The following ACTN3 variants were observed in gnomAD, a reference collection of about 807,000 sequenced individuals.
ACTN3 encodes the protein actinin alpha 3.
A neutral mutation model predicts 119.6 loss-of-function variants in ACTN3; 91 were observed. The observed-to-expected ratio is 0.76, with a 90% CI of 0.64 to 0.91. The LOEUF is 0.91. ACTN3 is among the 40% of genes least tolerant of loss of function. The pLI is 0.00. For synonymous variants in ACTN3, 456 were observed against 478.8 expected (o/e 0.95, Z 0.62); for missense variants, 1,221 against 1,215.1 (o/e 1.00, Z -0.07).
At chr11:66,555,828 C>T in intron 7 of ACTN3, among the ~76,000 whole-genome samples, 1 of 152,214 alleles carries the variant, frequency 6.6e-6, no homozygotes. Context: ...GAAAGACACA[C>T]AGACCGAGGG....
rs757113506 is a variant in ACTN3, at chr11:66,561,593, G to A, written c.2131G>A (p.Glu711Lys). The A allele has an allele frequency of 1.2e-6, 2 of 1,613,038 alleles. No individual in the cohort carries two copies. The highest frequency in any genetic ancestry group is 2.7e-5 in the African/African-American group (2 of 74,918). ...RLEGDHQLLQESLVFDNKHTV... is the reference protein window; with the variant it reads ...RLEGDHQLLQKSLVFDNKHTV... ...GGAGGGTGACCACCAGCTGCTGCAG[G>A]AGAGCCTGGTGTTCGACAATAAGCA... The change falls in exon 17 of 21, where the codon GAG becomes AAG. Residue 711 changes from glutamate (E) to lysine (K), a missense_variant. Glu to Lys is a moderately conservative substitution (Grantham distance 56, BLOSUM62 1). Around this residue, in one of 3 missense-constraint regions of ACTN3, gnomAD observed 934 missense variants for 899.9 expected, o/e 1.04. Transcript: ENST00000513398.
In ACTN3 at chr11:66,557,693, T is replaced by C. The variant is rs569030135; in HGVS notation, c.898-6T>C. On this transcript the variant is annotated splice_region_variant and splice_polypyrimidine_tract_variant and intron_variant, in intron 9 of 20. Transcript: ENST00000513398. Reference sequence around the variant, plus strand: ...TGTCTGCCTTGCCCCTGCCTGGCCCTGTCAGCTGCTGGAGTGGATCCGCCG... The same window carrying C: ...TGTCTGCCTTGCCCCTGCCTGGCCCCGTCAGCTGCTGGAGTGGATCCGCCG... The C allele has an allele frequency of 1.2e-5, 19 of 1,606,130 alleles. No homozygotes were observed. The African/African-American group carries it at 1.9e-4, about 16-fold the overall frequency.
chr11:66,556,127 C>T lies in ACTN3; in HGVS notation c.719-18C>T, dbSNP rs183121899. 7.2e-5 allele frequency: 115 copies of T among 1,605,950 alleles called. 1 individual carries two copies. The African/African-American group carries it at 1.0e-3, about 14-fold the overall frequency. The stretch of plus-strand genomic sequence containing the variant: ...ACCCCTGGCTTTGGCCAGTAGACAC[C>T]GTGCTGTCCTCCCCTAGACATTGTG... On this transcript the variant is annotated intron_variant, in intron 7 of 20. Transcript: ENST00000513398.
Position 66,546,927 on chromosome 11 carries a change from G to T in ACTN3, c.-11G>T, listed in dbSNP as rs376683828. The T allele has an allele frequency of 7.8e-6, 12 of 1,536,840 alleles. No homozygotes were observed. In the African/African-American group the frequency reaches 9.7e-5, roughly 12 times the overall value. On this transcript the variant is annotated 5_prime_UTR_variant, in exon 1 of 21. Coordinates refer to ENST00000513398, the MANE Select transcript of ACTN3 (RefSeq NM_001104.4). ...CGTGCCGAGCGGAGCGAAGCCAGGA[G>T]CCCGATCGAGATGATGATGGTTATG...
chr11:66,554,600 C>G lies in ACTN3; in HGVS notation c.534C>G (p.Val178=). The G allele has an allele frequency of 6.2e-7, 1 of 1,612,428 alleles. No individual in the cohort carries two copies. The highest frequency in any genetic ancestry group is 8.5e-7 in the Non-Finnish European group (1 of 1,179,202). The change falls in exon 5 of 21, where the codon GTC becomes GTG. Residue 178 remains valine (V), a synonymous_variant. Transcript: ENST00000513398. The part of the protein sequence containing the change: ...CQRKTAPYRN[V]NVQNFHTSWK... ...GGAAGACAGCACCGTACCGCAACGT[C>G]AACGTGCAGAACTTCCACACCAGGT... is the stretch of plus-strand genomic sequence containing the variant.
chr11:66,555,061 TC>T, intron 5 of ACTN3, 68 bp from the exon 6 acceptor site: 2 of 1,423,082 alleles, frequency 1.4e-6, no homozygotes, highest in Non-Finnish European at 2.0e-6. Flanking sequence ...TGGGGGGTGC[TC>T]CTGGGCCGAG....
intron 16 of ACTN3, 35 bp downstream of exon 16, chr11:66,561,396 A>T: frequency 6.2e-7 from 1 of 1,606,026 alleles, no homozygotes; most frequent in Non-Finnish European, 8.5e-7. Flanking sequence ...ACCTGGGGGG[A>T]TGGGGCCAGG....
intron 5 of ACTN3, 97 bp downstream of exon 5, chr11:66,554,720 CT>C (rs1304491988): frequency 1.0e-4 from 104 of 1,000,874 alleles, no homozygotes; most frequent in Non-Finnish European, 6.1e-5. Flanking sequence ...GAGCTGGTCT[CT>C]GTCACAAGCC....
rs772091427 is a variant in ACTN3, at chr11:66,560,586, C to T, written c.1691C>T (p.Ala564Val). ...SVEETQSLLTAHDQFKATLPE... is the reference protein window; with the variant it reads ...SVEETQSLLTVHDQFKATLPE... The stretch of plus-strand genomic sequence containing the variant: ...TGTCGTCCCCAGAGCCTGCTGACAG[C>T]GCACGATCAGTTCAAGGCAACACTG... The change falls in exon 15 of 21, where the codon GCG becomes GTG. Residue 564 changes from alanine (A) to valine (V), a missense_variant. Around this residue, in one of 3 missense-constraint regions of ACTN3, gnomAD observed 934 missense variants for 899.9 expected, o/e 1.04. Coordinates refer to ENST00000513398, the MANE Select transcript of ACTN3 (RefSeq NM_001104.4). The T allele has an allele frequency of 2.4e-5, 39 of 1,611,252 alleles. No individual in the cohort carries two copies. The highest frequency in any genetic ancestry group is 1.7e-4 in the South Asian group (15 of 90,864).
At chr11:66,556,823 C>A (rs999535787) in intron 8 of ACTN3, among the ~76,000 whole-genome samples, 1 of 151,722 alleles carries the variant, frequency 6.6e-6, no homozygotes, top group Admixed American at 6.6e-5. Flanking sequence ...TGCAGTGGGG[C>A]GGTCTCGGCT....
chr11:66,552,081 G>GAA (rs545305342), intron 3 of ACTN3, among the ~76,000 whole-genome samples: 1 of 130,888 alleles, frequency 7.6e-6, no homozygotes, highest in Non-Finnish European at 1.6e-5. Flanking sequence ...CTGTCTGAAA[G>GAA]AAAAAAAAAA....
intron 5 of ACTN3, 66 bp downstream of exon 5, chr11:66,554,689 C>G (rs114978179): frequency 7.3e-7 from 1 of 1,368,218 alleles, no homozygotes; most frequent in African/African-American, 1.4e-5. Flanking sequence ...GAGGAGCCCT[C>G]CCTGGTCAGT....
In ACTN3 at chr11:66,561,222, C is replaced by A. The variant is rs773056304; in HGVS notation, c.1861-5C>A. The A allele has an allele frequency of 3.2e-6, 5 of 1,550,016 alleles. No individual in the cohort carries two copies. Among genetic ancestry groups the A allele is most frequent in the Non-Finnish European group, 4.3e-6 (5 of 1,149,672 alleles). On this transcript the variant is annotated splice_polypyrimidine_tract_variant and splice_region_variant and intron_variant, in intron 15 of 20. Coordinates refer to ENST00000513398, the MANE Select transcript of ACTN3 (RefSeq NM_001104.4). ...CTGGCTCTGGCATAACTGCCCTCCTCCCAGGTCCGAAAGCTGGTGCCCAGC... is the reference window on the plus strand; with the variant it reads ...CTGGCTCTGGCATAACTGCCCTCCTACCAGGTCCGAAAGCTGGTGCCCAGC...
chr11:66,555,474 AC>A, intron 7 of ACTN3, 107 bp downstream of exon 7: 5 of 1,075,932 alleles, frequency 4.6e-6, no homozygotes, highest in East Asian at 2.4e-5. Context: ...TGCTCCGACC[AC>A]CCCCACCCCA....
At chr11:66,557,069 G>A in intron 8 of ACTN3, 64 bp from the exon 9 acceptor site, 7 of 1,475,502 alleles carry the variant, frequency 4.7e-6, no homozygotes, top group Non-Finnish European at 6.4e-6. Context: ...CGGGGCTCTG[G>A]GTTTTAAGGG....
At position 66,562,058 on chromosome 11, in the gene ACTN3, A is replaced by G. The variant is rs1451688813; in HGVS notation, c.2212A>G (p.Ile738Val). The change falls in exon 18 of 21, where the codon ATT becomes GTT. Residue 738 changes from isoleucine (I) to valine (V), a missense_variant. By Grantham distance (29) the Ile-to-Val change is conservative (BLOSUM62 3). Around this residue, in one of 3 missense-constraint regions of ACTN3, gnomAD observed 934 missense variants for 899.9 expected, o/e 1.04. Transcript: ENST00000513398. ...GGGCTGGGAGCAGCTGCTCACCTCC[A>G]TTGCCCGCACCATCAATGAAGTGGA... ...RVGWEQLLTS[I>V]ARTINEVENQ... is the part of the protein sequence containing the mutation. The G allele has an allele frequency of 3.1e-6, 5 of 1,613,218 alleles. No individual in the cohort carries two copies. The highest frequency in any genetic ancestry group is 4.2e-6 in the Non-Finnish European group (5 of 1,179,730).
At chr11:66,560,341 G>C in intron 14 of ACTN3, 30 bp downstream of exon 14, 1 of 1,596,614 alleles carries the variant, frequency 6.3e-7, no homozygotes, top group East Asian at 2.2e-5. Flanking sequence ...GGGATGGATA[G>C]GATGACAGGA....
chr11:66,552,303 G>A (rs1418702785), intron 3 of ACTN3, among the ~76,000 whole-genome samples: 12 of 151,966 alleles, frequency 7.9e-5, no homozygotes, highest in South Asian at 4.1e-4. Flanking sequence ...CCGGGAGGCC[G>A]AGGTTGCAGT....
At chr11:66,549,732 CAAAAAA>C (rs61393902) in intron 1 of ACTN3, among the ~76,000 whole-genome samples, 6 of 43,018 alleles carry the variant, frequency 1.4e-4, no homozygotes, top group Admixed American at 6.6e-4. Context: ...ACTCTGTCTC[CAAAAAA>C]AAAAAAAAAA....
Sources: allele counts gnomAD v4.1 joint callset (sites outside exome capture counted in the v4.1 genomes callset), GRCh38; gene constraint gnomAD v4.1.1; regional missense constraint gnomAD v4.1.1; transcripts MANE v1.5; gene names NCBI Gene and HGNC (gene_info 2026-07-23, HGNC 2026-07-21).